Variants in RALYL observed in about 807,000 individuals in gnomAD.
RALYL encodes the protein RNA-binding Raly-like protein.
Under a neutral mutation model 35.1 loss-of-function variants are expected in RALYL, and 29 were observed. That is an observed-to-expected ratio of 0.83 (90% CI 0.61 to 1.13). RALYL has a LOEUF of 1.13. Ranked by LOEUF, RALYL falls within the 50% of genes most tolerant of loss-of-function variation. The pLI is 0.00. For missense variants in RALYL, 359 were observed against 360.4 expected, an observed-to-expected ratio of 1.00 and a Z score of 0.03; for synonymous variants, 120 against 127.6, an observed-to-expected ratio of 0.94 and a Z score of 0.40.
At chr8:84,732,770 C>T (rs771417454) in intron 2 of RALYL, among the ~76,000 whole-genome samples, 1 of 151,222 alleles carries the variant, frequency 6.6e-6, no homozygotes, top group Non-Finnish European at 1.5e-5. Flanking sequence ...TATCTTGGCT[C>T]ACTGCAGCCT....
chr8:84,606,780 T>C (rs559098117), intron 2 of RALYL, among the ~76,000 whole-genome samples: 8 of 152,172 alleles, frequency 5.3e-5, no homozygotes, highest in African/African-American at 1.7e-4. Context: ...GAAAACTGAG[T>C]ATTAAAAAGG....
chr8:84,390,366 TA>T (rs1316977415), intron 1 of RALYL, among the ~76,000 whole-genome samples: 1 of 152,148 alleles, frequency 6.6e-6, no homozygotes, highest in East Asian at 1.9e-4. Flanking sequence ...TAAAATGAGT[TA>T]GGGAGGATTC....
intron 1 of RALYL, among the ~76,000 whole-genome samples, chr8:84,460,824 A>G (rs926284262): frequency 6.6e-6 from 1 of 151,628 alleles, no homozygotes; most frequent in Non-Finnish European, 1.5e-5. Context: ...CTATAGATAT[A>G]ACAAATATAA....
chr8:84,400,639 A>G (rs1371215873), intron 1 of RALYL, among the ~76,000 whole-genome samples: 1 of 152,202 alleles, frequency 6.6e-6, no homozygotes, highest in Non-Finnish European at 1.5e-5. Flanking sequence ...TGATTGTGCC[A>G]GCCATAGTGT....
At chr8:84,670,549 T>C (rs962875897) in intron 2 of RALYL, among the ~76,000 whole-genome samples, 3 of 152,210 alleles carry the variant, frequency 2.0e-5, no homozygotes, top group Admixed American at 2.0e-4. Context: ...TTTAATGGAC[T>C]CATATTTCCA....
At chr8:84,498,695 C>T (rs1464919074) in intron 1 of RALYL, among the ~76,000 whole-genome samples, 1 of 152,092 alleles carries the variant, frequency 6.6e-6, no homozygotes, top group Non-Finnish European at 1.5e-5. Flanking sequence ...TGAAACTGCC[C>T]TTTCCTAATA....
chr8:84,688,869 C>A (rs921493338), intron 2 of RALYL, among the ~76,000 whole-genome samples: 1 of 151,730 alleles, frequency 6.6e-6, no homozygotes, highest in African/African-American at 2.4e-5. Context: ...AACTCAATAG[C>A]GAACAGCAAA....
chr8:84,787,452 T>C (rs1270576473), intron 3 of RALYL, among the ~76,000 whole-genome samples: 1 of 152,216 alleles, frequency 6.6e-6, no homozygotes, highest in Non-Finnish European at 1.5e-5. Context: ...TCCAAGTCTT[T>C]GCTATTGTGA....
chr8:84,381,093 AG>A (rs573940476), intron 1 of RALYL, among the ~76,000 whole-genome samples: 185 of 152,016 alleles, frequency 1.2e-3, no homozygotes, highest in African/African-American at 4.2e-3. Context: ...AAGAGAAGCC[AG>A]GGAAACTCTC....
chr8:84,611,512 G>C (rs902274193), intron 2 of RALYL, among the ~76,000 whole-genome samples: 7 of 151,978 alleles, frequency 4.6e-5, no homozygotes, highest in Non-Finnish European at 1.0e-4. Flanking sequence ...AGATATGCGG[G>C]TGTGTGTTCA....
chr8:84,673,504 G>A (rs1833643551), intron 2 of RALYL, among the ~76,000 whole-genome samples: 1 of 152,058 alleles, frequency 6.6e-6, no homozygotes, highest in South Asian at 2.1e-4. Context: ...ATAGGTTTGG[G>A]TTTTACATTT....
chr8:84,354,900 T>C (rs544036771), intron 1 of RALYL, among the ~76,000 whole-genome samples: 3 of 150,408 alleles, frequency 2.0e-5, no homozygotes, highest in African/African-American at 7.4e-5. Context: ...CCTGGGTAAA[T>C]GTACCACCTT....
intron 4 of RALYL, among the ~76,000 whole-genome samples, chr8:84,846,526 T>C (rs754850336): frequency 3.3e-5 from 5 of 152,228 alleles, no homozygotes; most frequent in African/African-American, 4.8e-5. Context: ...GCTGACTTCA[T>C]AGAGTGAGTT....
chr8:84,794,025 G>C (rs924786261), intron 3 of RALYL, among the ~76,000 whole-genome samples: 2 of 152,232 alleles, frequency 1.3e-5, no homozygotes, highest in Non-Finnish European at 2.9e-5. Flanking sequence ...ATCAGAGATG[G>C]TGAGGTTGAA....
chr8:84,679,507 T>A (rs377291736), intron 2 of RALYL: 3 of 345,970 alleles, frequency 8.7e-6, no homozygotes, highest in African/African-American at 4.3e-5. Context: ...TTATTGGATA[T>A]TAACTTTTAC....
At chr8:84,788,210 G>A (rs1351394077) in intron 3 of RALYL, among the ~76,000 whole-genome samples, 1 of 152,070 alleles carries the variant, frequency 6.6e-6, no homozygotes, top group Non-Finnish European at 1.5e-5. Context: ...GTGTAAGGAA[G>A]GGGTCCAAAA....
At chr8:84,311,270 T>G (rs947301360) in intron 1 of RALYL, among the ~76,000 whole-genome samples, 5 of 151,740 alleles carry the variant, frequency 3.3e-5, no homozygotes, top group African/African-American at 1.2e-4. Context: ...CCACTACTGT[T>G]TAATAAAAAG....
chr8:84,240,399 G>T (rs1337634688), intron 1 of RALYL, among the ~76,000 whole-genome samples: 1 of 152,022 alleles, frequency 6.6e-6, no homozygotes, highest in African/African-American at 2.4e-5. Context: ...CGAAAGTCTG[G>T]CCTCTTTCTT....
At chr8:84,794,156 C>A (rs1342042162) in intron 3 of RALYL, among the ~76,000 whole-genome samples, 1 of 152,172 alleles carries the variant, frequency 6.6e-6, no homozygotes, top group Non-Finnish European at 1.5e-5. Flanking sequence ...CCTACTAGGC[C>A]AGGGCCTTGA....
Sources: gnomAD v4.1 joint callset for allele counts (sites outside exome capture counted in the v4.1 genomes callset) on GRCh38, gnomAD v4.1.1 for gene constraint, MANE v1.5 for transcripts, NCBI Gene and HGNC (gene_info 2026-07-23, HGNC 2026-07-21) for gene names.